Variants in UBE2E3 observed in about 807,000 individuals in gnomAD.
UBE2E3 encodes the protein ubiquitin conjugating enzyme E2 E3, also known as ubiquitin-conjugating enzyme E2 E3.
UBE2E3 carries 5 observed loss-of-function variants against 23.6 expected under a neutral mutation model. That is an observed-to-expected ratio of 0.21 (90% CI 0.11 to 0.44). UBE2E3 has a LOEUF of 0.44. Among genes scored for constraint, UBE2E3 ranks in the 20% least tolerant of loss-of-function variants. UBE2E3 has a pLI of 0.99. For missense variants in UBE2E3, 81 were observed against 249.8 expected (o/e 0.32, Z 4.55); for synonymous variants, 78 against 87.5 (o/e 0.89, Z 0.60).
Position 180,984,845 on chromosome 2 carries a change from A to G in UBE2E3, c.245+752A>G, listed in dbSNP as rs138538454. On this transcript the variant is annotated intron_variant, in intron 3 of 5. Transcript: ENST00000410062. Reference sequence around the variant, plus strand: ...TAATAATTTTTTTCATTTCATTTGTATAGCGCTCTATTCTTTTTTTAATGA... The same window carrying G: ...TAATAATTTTTTTCATTTCATTTGTGTAGCGCTCTATTCTTTTTTTAATGA... Among the ~76,000 whole-genome samples the G allele has an allele frequency of 1.6e-3, 242 of 152,156 alleles. 1 individual carries two copies. The highest frequency in any genetic ancestry group is 3.7e-3 in the South Asian group (18 of 4,818).
intron 3 of UBE2E3, among the ~76,000 whole-genome samples, chr2:181,016,430 A>G (rs1398287318): frequency 6.6e-6 from 1 of 152,116 alleles, no homozygotes; most frequent in East Asian, 1.9e-4. Context: ...AGTCAGAGCT[A>G]TAAAAAAACT....
At chr2:181,030,295 T>C (rs184033001) in intron 3 of UBE2E3, among the ~76,000 whole-genome samples, 27 of 152,198 alleles carry the variant, frequency 1.8e-4, no homozygotes, top group Admixed American at 1.6e-3. Flanking sequence ...TGAATATGTA[T>C]ATTTTTCTTT....
At chr2:180,980,391 G>T (rs1399327032), upstream of UBE2E3, 2 of 151,642 alleles carry the variant, frequency 1.3e-5, no homozygotes, top group African/African-American at 4.8e-5. The surrounding 1 kb of genome is among the most constrained non-coding windows in gnomAD (Gnocchi z 5.5). Context: ...GGCGGCAGGG[G>T]CCAGCCCGCC....
chr2:180,992,600 A>G (rs756179793), intron 3 of UBE2E3, among the ~76,000 whole-genome samples: 8 of 152,152 alleles, frequency 5.3e-5, no homozygotes, highest in Non-Finnish European at 8.8e-5. Flanking sequence ...GCCTCAAGCA[A>G]TCCTCCCACC....
rs140418723 is a variant in UBE2E3, at chr2:181,052,127, G to C, written c.246-5566G>C. 7.0e-3 allele frequency among the ~76,000 whole-genome samples: 1,066 copies of C among 151,758 alleles called. 11 individuals are homozygous for C. Among genetic ancestry groups the C allele is most frequent in the African/African-American group, 0.024 (991 of 41,440 alleles). On this transcript the variant is annotated intron_variant, in intron 3 of 5. Transcript: ENST00000410062. ...TGAGTGAATCTTATCTAGTTGTTAA[G>C]GTTGAGAAAAGAAAGGTGGCTGACA...
rs553608715 is a variant in UBE2E3, at chr2:181,014,025, A to AT, written c.245+29933dup. Reference sequence around the variant, plus strand: ...TGGAAGTGGAGGTTGTAAGAAGTAGATAATACAAAAGGTGTGCCGAAGTAT... The same window carrying AT: ...TGGAAGTGGAGGTTGTAAGAAGTAGATTAATACAAAAGGTGTGCCGAAGTAT... On this transcript the variant is annotated intron_variant, in intron 3 of 5. Transcript: ENST00000410062. Among the ~76,000 whole-genome samples the AT allele has an allele frequency of 6.6e-5, 10 of 152,334 alleles. No individual in the cohort carries two copies. The South Asian group carries it at 1.5e-3, about 22-fold the overall frequency.
intron 3 of UBE2E3, among the ~76,000 whole-genome samples, chr2:181,002,678 T>G (rs963975872): frequency 2.0e-5 from 3 of 152,262 alleles, no homozygotes. Context: ...ATAATTTTTT[T>G]GTACAGTGTT....
chr2:181,014,122 TC>T (rs1354824770), intron 3 of UBE2E3, among the ~76,000 whole-genome samples: 1 of 152,194 alleles, frequency 6.6e-6, no homozygotes, highest in African/African-American at 2.4e-5. Flanking sequence ...TGCCCATGTT[TC>T]TGACGTAAGT....
intron 3 of UBE2E3, among the ~76,000 whole-genome samples, chr2:181,029,519 C>T (rs1480663363): frequency 6.6e-6 from 1 of 151,802 alleles, no homozygotes; most frequent in African/African-American, 2.4e-5. Context: ...AAATTTATTT[C>T]TAGGAGTTTA....
At chr2:181,016,582 A>G (rs1685498646) in intron 3 of UBE2E3, among the ~76,000 whole-genome samples, 1 of 152,184 alleles carries the variant, frequency 6.6e-6, no homozygotes. Flanking sequence ...CCTGGCTTAT[A>G]AGTAATGGAG....
chr2:181,039,797 A>C (rs1181734994), intron 3 of UBE2E3, among the ~76,000 whole-genome samples: 1 of 152,214 alleles, frequency 6.6e-6, no homozygotes, highest in African/African-American at 2.4e-5. Flanking sequence ...ACTTCCACAG[A>C]TACCAAAATT....
intron 3 of UBE2E3, among the ~76,000 whole-genome samples, chr2:181,017,329 G>GA (rs1057500032): frequency 7.9e-5 from 12 of 152,272 alleles, no homozygotes; most frequent in Admixed American, 1.3e-4. Context: ...GTTTAGAGCA[G>GA]AACCAGTAAA....
In UBE2E3 at chr2:180,994,056, A is replaced by G. The variant is rs572938657; in HGVS notation, c.245+9963A>G. Among the ~76,000 whole-genome samples, 7 of 152,316 alleles carry G rather than the reference A, an allele frequency of 4.6e-5. No individual in the cohort carries two copies. The South Asian group carries it at 1.5e-3, about 32-fold the overall frequency. On this transcript the variant is annotated intron_variant, in intron 3 of 5. Transcript: ENST00000410062. ...TGTAATTTATATGGAATTCAATGGC[A>G]GTTTTAACTAGTGTGCCTTTAATTT... is the stretch of plus-strand genomic sequence containing the variant.
At chr2:180,993,771 T>C (rs1037597091) in intron 3 of UBE2E3, among the ~76,000 whole-genome samples, 84 of 152,314 alleles carry the variant, frequency 5.5e-4, no homozygotes, top group African/African-American at 1.9e-3. Context: ...AGAGAATCGA[T>C]CTCAGAAGAT....
Position 181,057,744 on chromosome 2 carries a change from T to G in UBE2E3, c.297T>G (p.Gly99=). Residue 99 remains glycine (G), a synonymous_variant, in exon 4 of 6, where the codon GGT becomes GGG. Transcript: ENST00000410062. The part of the protein sequence containing the change: ...NIYEWRSTIL[G]PPGSVYEGGV... ...ATGAATGGAGATCAACTATACTTGG[T>G]CCACCGGGTTCTGTATATGAAGGTG... 6.2e-7 allele frequency: 1 copy of G among 1,611,226 alleles called. No homozygotes were observed. Among genetic ancestry groups the G allele is most frequent in the Non-Finnish European group, 8.5e-7 (1 of 1,178,378 alleles).
At chr2:181,000,379 G>T (rs1358884162) in intron 3 of UBE2E3, among the ~76,000 whole-genome samples, 1 of 152,052 alleles carries the variant, frequency 6.6e-6, no homozygotes, top group Non-Finnish European at 1.5e-5. Flanking sequence ...GGAAAACTTT[G>T]CAAATAGGCA....
chr2:180,987,388 T>C (rs1482368498), intron 3 of UBE2E3: 23 of 1,550,026 alleles, frequency 1.5e-5, no homozygotes, highest in Non-Finnish European at 1.9e-5. Flanking sequence ...AGCGAAAGTT[T>C]AGAAAGGTAC....
rs933112455 is a variant in UBE2E3, at chr2:181,063,051, A to C, written c.*163A>C. 44 of 406,540 alleles carry C rather than the reference A, an allele frequency of 1.1e-4. 1 individual carries two copies. The highest frequency in any genetic ancestry group is 1.4e-5 in the Non-Finnish European group (3 of 218,960). The allele number at this position is 406,540 out of a possible 1,614,324, so 25.2% of individuals were successfully genotyped here. On this transcript the variant is annotated 3_prime_UTR_variant, in exon 6 of 6. Transcript: ENST00000410062. The surrounding 1 kb of genome is among the most constrained non-coding windows in gnomAD (Gnocchi z 4.1). ...GAGACTCCCCAAAAAGGTAAATGCTATCAAGAGTAGAACTTTGTAGCTGTA... is the reference window on the plus strand; with the variant it reads ...GAGACTCCCCAAAAAGGTAAATGCTCTCAAGAGTAGAACTTTGTAGCTGTA...
At chr2:180,991,985 G>A (rs1684671994) in intron 3 of UBE2E3, among the ~76,000 whole-genome samples, 2 of 152,266 alleles carry the variant, frequency 1.3e-5, no homozygotes, top group Middle Eastern at 3.4e-3. Context: ...AGATAGGTAG[G>A]GACTGCTCTG....
Sources: allele counts gnomAD v4.1 joint callset (sites outside exome capture counted in the v4.1 genomes callset), GRCh38; gene constraint gnomAD v4.1.1; non-coding constraint Gnocchi (gnomAD v3.1); transcripts MANE v1.5; gene names NCBI Gene and HGNC (gene_info 2026-07-23, HGNC 2026-07-21).